EEF2K: variants seen among roughly 807,000 people sequenced by gnomAD.
EEF2K encodes alternative protein EEF2K.
EEF2K carries 70 observed loss-of-function variants against 93.8 expected under a neutral mutation model. The ratio of observed to expected loss-of-function variants is 0.75; its 90% CI spans 0.62 to 0.91. EEF2K has a LOEUF of 0.91. EEF2K is among the 40% of genes least tolerant of loss of function. EEF2K has a pLI of 0.00. For synonymous variants in EEF2K, 376 were observed against 380.8 expected (o/e 0.99, Z 0.15); for missense variants, 935 against 972.9 (o/e 0.96, Z 0.52).
intron 1 of EEF2K, among the ~76,000 whole-genome samples, chr16:22,216,583 C>A (rs1363423815): frequency 6.6e-6 from 1 of 152,134 alleles, no homozygotes; most frequent in Admixed American, 6.6e-5. Flanking sequence ...AAGACAGTGT[C>A]CTTGGCATGG....
chr16:22,259,221 A>C (rs1444006683), intron 10 of EEF2K, among the ~76,000 whole-genome samples: 1 of 152,194 alleles, frequency 6.6e-6, no homozygotes, highest in Non-Finnish European at 1.5e-5. Flanking sequence ...CTGATGATTC[A>C]GATGAGAGTC....
intron 10 of EEF2K, among the ~76,000 whole-genome samples, chr16:22,259,682 C>A (rs938145023): frequency 6.6e-6 from 1 of 151,846 alleles, no homozygotes; most frequent in African/African-American, 2.4e-5. Context: ...TAAAAACAGA[C>A]AGATAGATTT....
intron 15 of EEF2K, 32 bp downstream of exon 15, chr16:22,266,908 G>A: frequency 9.5e-6 from 15 of 1,577,108 alleles, no homozygotes; most frequent in Non-Finnish European, 1.3e-5. Context: ...AGCTGCAGGT[G>A]GGGGTGGGAC....
chr16:22,257,094 C>T (rs2047409115), intron 7 of EEF2K, among the ~76,000 whole-genome samples, 159 bp from the exon 8 acceptor site: 1 of 152,230 alleles, frequency 6.6e-6, no homozygotes, highest in Non-Finnish European at 1.5e-5. Context: ...ACCTGCAGCC[C>T]AAGGTCCCTG....
chr16:22,273,869 A>G (rs2047609319), intron 16 of EEF2K, 119 bp downstream of exon 16: 3 of 1,424,484 alleles, frequency 2.1e-6, no homozygotes, highest in African/African-American at 1.4e-5. Context: ...CAGTCCAGCA[A>G]CCATGGGCAA....
chr16:22,224,867 C>G (rs899741367), intron 1 of EEF2K, among the ~76,000 whole-genome samples: 3 of 151,624 alleles, frequency 2.0e-5, no homozygotes, highest in African/African-American at 7.3e-5. Context: ...GCAGCAGAAT[C>G]GCTTGAACCT....
At chr16:22,219,415 A>G (rs2142102615) in intron 1 of EEF2K, among the ~76,000 whole-genome samples, 1 of 152,284 alleles carries the variant, frequency 6.6e-6, no homozygotes, top group Admixed American at 6.5e-5. Flanking sequence ...AGGATTGCTT[A>G]AGGCCAGGAG....
chr16:22,241,969 CAAAATA>C (rs775000653), intron 2 of EEF2K, among the ~76,000 whole-genome samples: 10 of 151,292 alleles, frequency 6.6e-5, no homozygotes, highest in East Asian at 2.0e-4. Context: ...CCGGTCTCTG[CAAAATA>C]AAAATAAAAA....
intron 1 of EEF2K, among the ~76,000 whole-genome samples, chr16:22,221,498 C>T (rs543306007): frequency 9.2e-5 from 14 of 151,964 alleles, no homozygotes; most frequent in Non-Finnish European, 2.1e-4. Flanking sequence ...ATAGCAAGAG[C>T]GCATTATACA....
In EEF2K at chr16:22,277,997, G is replaced by A. The variant is rs548059484; in HGVS notation, c.1890-2201G>A. Among the ~76,000 whole-genome samples, 10 of 152,228 alleles carry A rather than the reference G, an allele frequency of 6.6e-5. No homozygotes were observed. In the East Asian group the frequency reaches 1.7e-3, roughly 26 times the overall value. On this transcript the variant is annotated intron_variant, in intron 16 of 17. Transcript: ENST00000263026. The stretch of plus-strand genomic sequence containing the variant: ...AGGCAGGAAAATCACTTGAGTCCAG[G>A]AGTTCAAGACCAGCTTGGGCAACCT...
At chr16:22,248,836 C>T (rs192466948) in intron 4 of EEF2K, 21 bp downstream of exon 4, 21 of 1,613,076 alleles carry the variant, frequency 1.3e-5, no homozygotes, top group Admixed American at 3.3e-5. Flanking sequence ...CGTTGAGCCC[C>T]GTGGGGACAG....
intron 2 of EEF2K, among the ~76,000 whole-genome samples, chr16:22,230,044 C>T (rs577711789): frequency 3.9e-5 from 6 of 152,258 alleles, no homozygotes; most frequent in East Asian, 1.9e-4. Context: ...TCCGGGGGCC[C>T]CTGAAGGGGC....
rs1015323674 is a variant in EEF2K, at chr16:22,266,532, C to G, written c.1575+8C>G. ...AAGTCCATTTTGGGGAAGGTATCGG[C>G]GATGCCCATTTTGGAGCCCTGTCTG... On this transcript the variant is annotated splice_region_variant and intron_variant, in intron 14 of 17. Coordinates refer to ENST00000263026, the MANE Select transcript of EEF2K (RefSeq NM_013302.5). The G allele has an allele frequency of 2.5e-6, 4 of 1,613,808 alleles. No homozygotes were observed. The highest frequency in any genetic ancestry group is 3.4e-6 in the Non-Finnish European group (4 of 1,179,890).
intron 2 of EEF2K, among the ~76,000 whole-genome samples, chr16:22,235,213 C>CAA (rs557122340): frequency 7.2e-6 from 1 of 138,236 alleles, no homozygotes; most frequent in Non-Finnish European, 1.6e-5. Context: ...GACTGTGTCT[C>CAA]AAAAAAAAAA....
At chr16:22,237,200 C>T (rs1234551880) in intron 2 of EEF2K, among the ~76,000 whole-genome samples, 1 of 151,610 alleles carries the variant, frequency 6.6e-6, no homozygotes, top group African/African-American at 2.4e-5. Context: ...CTATGTCGGC[C>T]TCCCAAAGTG....
rs769558039 is a variant in EEF2K, at chr16:22,225,948, GT to G, written c.220del (p.Ser74ProfsTer57). On this transcript the variant is annotated frameshift_variant, in exon 2 of 18. Transcript: ENST00000263026. LOFTEE classifies it high-confidence loss of function. ...TKSERYSSSG[S>X]PANSFHFKEA... ...AAAGTGAGCGGTATAGCTCCAGCGG[GT>G]CCCCGGCAAACTCCTTCCACTTCAA... is the stretch of plus-strand genomic sequence containing the variant. The G allele has an allele frequency of 2.5e-6, 4 of 1,614,128 alleles. No individual in the cohort carries two copies. The Admixed American group carries it at 6.7e-5, about 27-fold the overall frequency.
rs1178241356 is a variant in EEF2K at position 22,263,197 on chromosome 16, C to T, written c.1377+10C>T. Reference sequence around the variant, plus strand: ...TGAGCCCCGAGAACATGTAAGGAACCCCCAGGAAATGAGACCGGTGTCACC... The same window carrying T: ...TGAGCCCCGAGAACATGTAAGGAACTCCCAGGAAATGAGACCGGTGTCACC... On this transcript the variant is annotated intron_variant, in intron 12 of 17. Coordinates refer to ENST00000263026, the MANE Select transcript of EEF2K (RefSeq NM_013302.5). 6.2e-7 allele frequency: 1 copy of T among 1,607,770 alleles called. No individual in the cohort carries two copies. Among genetic ancestry groups the T allele is most frequent in the Admixed American group, 1.7e-5 (1 of 58,458 alleles).
At chr16:22,226,973 G>A (rs1184819253) in intron 2 of EEF2K, among the ~76,000 whole-genome samples, 1 of 152,158 alleles carries the variant, frequency 6.6e-6, no homozygotes, top group Non-Finnish European at 1.5e-5. Context: ...GCCAAGGCAA[G>A]TGGATCACCT....
Position 22,224,661 on chromosome 16 carries a change from AAAG to A in EEF2K, c.-76-990_-76-988del, listed in dbSNP as rs1257057255. ...CAAAAAAAAAAAGAAAAGAAAAGAA[AAAG>A]AAAAAAGTCCGGATGTGGTGGCTCA... On this transcript the variant is annotated intron_variant, in intron 1 of 17. Coordinates refer to ENST00000263026, the MANE Select transcript of EEF2K (RefSeq NM_013302.5). Among the ~76,000 whole-genome samples the A allele has an allele frequency of 6.8e-5, 5 of 73,326 alleles. No homozygotes were observed. The East Asian group carries it at 4.8e-3, about 71-fold the overall frequency. The allele number at this position is 73,326 out of a possible 152,430, so 48.1% of individuals were successfully genotyped here.
Sources: gnomAD v4.1 joint callset for allele counts (sites outside exome capture counted in the v4.1 genomes callset) on GRCh38, gnomAD v4.1.1 for gene constraint, MANE v1.5 for transcripts, NCBI Gene and HGNC (gene_info 2026-07-23, HGNC 2026-07-21) for gene names.